Variants in DNAH6 observed in about 807,000 individuals in gnomAD.
The protein encoded by DNAH6 is dynein axonemal heavy chain 6.
DNAH6 carries 340 observed loss-of-function variants against 491.4 expected under a neutral mutation model. The observed-to-expected ratio is 0.69, with a 90% CI of 0.63 to 0.76. DNAH6 has a LOEUF of 0.76. Among genes scored for constraint, DNAH6 ranks in the 30% least tolerant of loss-of-function variants. The probability of loss-of-function intolerance (pLI) is 0.00; values close to 1 mark genes in which losing one functional copy is unlikely to be tolerated. For synonymous variants in DNAH6, 1,603 were observed against 1,686.1 expected (o/e 0.95, Z 1.21); for missense variants, 4,443 against 4,972.2 (o/e 0.89, Z 3.20).
chr2:84,562,875 G>A (rs1680815384), intron 11 of DNAH6, among the ~76,000 whole-genome samples: 1 of 152,170 alleles, frequency 6.6e-6, no homozygotes, highest in Admixed American at 6.6e-5. Flanking sequence ...TTTGGGTATT[G>A]ATATGGTTTC....
intron 62 of DNAH6, among the ~76,000 whole-genome samples, chr2:84,740,730 A>C (rs547011081): frequency 6.6e-6 from 1 of 152,268 alleles, no homozygotes; most frequent in East Asian, 1.9e-4. Context: ...GTTATGACCC[A>C]TGCAGACCAG....
At chr2:84,459,968 C>T in the DNAH6 span, 1 of 152,116 alleles carries the variant, frequency 6.6e-6, no homozygotes, top group African/African-American at 2.4e-5. Context: ...GTGTTTATTC[C>T]CTGAGGATCC....
chr2:84,634,742 G>T, intron 30 of DNAH6, 101 bp downstream of exon 30: 1 of 1,373,452 alleles, frequency 7.3e-7, no homozygotes. Context: ...AAATGTTAGG[G>T]AGGAATCCTG....
chr2:84,588,916 C>T lies in DNAH6; in HGVS notation c.2572C>T (p.Arg858Cys), dbSNP rs773298139. 38 of 1,549,910 alleles carry T rather than the reference C, an allele frequency of 2.5e-5. No homozygotes were observed. The highest frequency in any genetic ancestry group is 1.8e-4 in the South Asian group (15 of 83,680). Residue 858 changes from arginine (R) to cysteine (C), a missense_variant, in exon 16 of 77, where the codon CGT (arginine) becomes TGT (cysteine). Arg to Cys is a radical substitution (Grantham distance 180). Coordinates refer to ENST00000389394, the MANE Select transcript of DNAH6 (RefSeq NM_001370.2). ...ATCTGTTCTGGCTGATCTTCAGAAACGTGCATTTCAGTATAAGTCCTATCA... is the reference window on the plus strand; with the variant it reads ...ATCTGTTCTGGCTGATCTTCAGAAATGTGCATTTCAGTATAAGTCCTATCA... ...LQSVLADLQK[R>C]AFQYKSYQKN...
chr2:84,517,804 A>G lies in DNAH6; in HGVS notation c.-8-15A>G. On this transcript the variant is annotated splice_polypyrimidine_tract_variant and intron_variant, in intron 1 of 76. Transcript: ENST00000389394. ...TCTACTTTTCATTTTCTTTTTCCTCACCTATTCTTTTCAGGAGTAAGGATG... is the reference window on the plus strand; with the variant it reads ...TCTACTTTTCATTTTCTTTTTCCTCGCCTATTCTTTTCAGGAGTAAGGATG... The G allele has an allele frequency of 6.5e-7, 1 of 1,534,064 alleles. No homozygotes were observed. The highest frequency in any genetic ancestry group is 8.8e-7 in the Non-Finnish European group (1 of 1,134,840).
At chr2:84,811,618 T>C (rs1679982721) in intron 72 of DNAH6, among the ~76,000 whole-genome samples, 1 of 152,298 alleles carries the variant, frequency 6.6e-6, no homozygotes, top group African/African-American at 2.4e-5. Context: ...CCCAGCATGT[T>C]GGGAGGCTAA....
intron 49 of DNAH6, among the ~76,000 whole-genome samples, chr2:84,702,690 C>T (rs1390646830): frequency 6.6e-6 from 1 of 151,818 alleles, no homozygotes; most frequent in East Asian, 1.9e-4. Context: ...CTATAGTCAA[C>T]CGCCACCACG....
chr2:84,812,588 T>C, intron 73 of DNAH6, 62 bp downstream of exon 73: 1 of 1,360,554 alleles, frequency 7.3e-7, no homozygotes, highest in Non-Finnish European at 1.0e-6. Context: ...CTAAGGTCCC[T>C]AGGAAGCACT....
At chr2:84,499,964 C>T in the DNAH6 span, among the ~76,000 whole-genome samples, 1 of 151,558 alleles carries the variant, frequency 6.6e-6, no homozygotes, top group Non-Finnish European at 1.5e-5. Context: ...GGGTAGTTTG[C>T]AACCATTCTG....
Position 84,785,693 on chromosome 2 carries a change from T to C in DNAH6, c.11037T>C (p.Asn3679=), listed in dbSNP as rs1156439616. ...TEMTPSFFEE[N]ILGKKWRQII... The stretch of plus-strand genomic sequence containing the variant: ...TGACACCTTCGTTTTTTGAAGAAAA[T>C]ATACTTGGAAAAAAATGGAGACAAA... Residue 3679 remains asparagine, a synonymous_variant, in exon 67 of 77, where the codon AAT becomes AAC. Transcript: ENST00000389394. The C allele has an allele frequency of 1.3e-6, 2 of 1,548,292 alleles. No homozygotes were observed. Among genetic ancestry groups the C allele is most frequent in the South Asian group, 1.2e-5 (1 of 83,114 alleles).
At chr2:84,499,588 C>T in the DNAH6 span, among the ~76,000 whole-genome samples, 2 of 152,146 alleles carry the variant, frequency 1.3e-5, no homozygotes, top group African/African-American at 2.4e-5. Context: ...TATGTTAGCT[C>T]AATTTTTAGT....
intron 49 of DNAH6, among the ~76,000 whole-genome samples, chr2:84,702,398 A>T (rs1695998374): frequency 6.6e-6 from 1 of 152,160 alleles, no homozygotes; most frequent in Admixed American, 6.6e-5. Context: ...CATGACCTAC[A>T]ATTTTCTACA....
intron 54 of DNAH6, among the ~76,000 whole-genome samples, 164 bp from the exon 55 acceptor site, chr2:84,709,179 T>G (rs1573560299): frequency 6.6e-6 from 1 of 152,360 alleles, no homozygotes; most frequent in African/African-American, 2.4e-5. Context: ...CTCCTGATTT[T>G]GGTCTACTTC....
intron 4 of DNAH6, among the ~76,000 whole-genome samples, chr2:84,543,718 AAGAG>A (rs1232462378): frequency 6.6e-6 from 1 of 152,170 alleles, no homozygotes; most frequent in Non-Finnish European, 1.5e-5. Flanking sequence ...CAACAGTTGA[AAGAG>A]AGATATTATG....
chr2:84,701,894 A>G (rs1695936581), intron 49 of DNAH6, among the ~76,000 whole-genome samples: 1 of 152,240 alleles, frequency 6.6e-6, no homozygotes, highest in Non-Finnish European at 1.5e-5. Flanking sequence ...CTGACAACCT[A>G]AAATATGACC....
At chr2:84,500,774 T>A in the DNAH6 span, among the ~76,000 whole-genome samples, 1 of 152,218 alleles carries the variant, frequency 6.6e-6, no homozygotes, top group South Asian at 2.1e-4. Context: ...AGGGAATTAA[T>A]TTATTTGTGG....
chr2:84,727,578 C>G, intron 60 of DNAH6, 91 bp from the exon 61 acceptor site: 1 of 747,958 alleles, frequency 1.3e-6, no homozygotes, highest in South Asian at 1.8e-5. Context: ...CTGCCATTTA[C>G]TCACTGAATG....
chr2:84,570,196 G>T (rs1036311591), intron 11 of DNAH6, among the ~76,000 whole-genome samples: 1 of 152,326 alleles, frequency 6.6e-6, no homozygotes, highest in East Asian at 1.9e-4. Flanking sequence ...TAACAATGGA[G>T]ACATGTAAAA....
intron 10 of DNAH6, among the ~76,000 whole-genome samples, chr2:84,554,257 G>GACCC (rs1679804446): frequency 6.6e-6 from 1 of 152,130 alleles, no homozygotes; most frequent in African/African-American, 2.4e-5. Context: ...ACTGAGTTGG[G>GACCC]ACCCTGCAAT....
Sources: allele counts gnomAD v4.1 joint callset (sites outside exome capture counted in the v4.1 genomes callset), GRCh38; gene constraint gnomAD v4.1.1; transcripts MANE v1.5; gene names NCBI Gene and HGNC (gene_info 2026-07-23, HGNC 2026-07-21).